Variants in MCTP1 observed in about 807,000 individuals in gnomAD.
The protein encoded by MCTP1 is multiple C2 and transmembrane domain containing 1.
MCTP1 carries 69 observed loss-of-function variants against 120.6 expected under a neutral mutation model. The ratio of observed to expected loss-of-function variants is 0.57; its 90% confidence interval spans 0.47 to 0.70. The LOEUF (loss-of-function observed/expected upper bound fraction) is 0.70. MCTP1 is among the 30% of genes least tolerant of loss of function. The pLI is 0.00. For synonymous variants in MCTP1, 529 were observed against 493.1 expected (o/e 1.07, Z -0.96); for missense variants, 1,203 against 1,248.8 (o/e 0.96, Z 0.55).
intron 19 of MCTP1, among the ~76,000 whole-genome samples, chr5:94,778,207 T>C (rs1428082754): frequency 6.6e-6 from 1 of 152,118 alleles, no homozygotes; most frequent in Non-Finnish European, 1.5e-5. Flanking sequence ...TTCACTGCTT[T>C]ACTACAATAT....
intron 2 of MCTP1, among the ~76,000 whole-genome samples, chr5:94,991,195 G>C (rs1831492028): frequency 6.6e-6 from 1 of 152,104 alleles, no homozygotes; most frequent in South Asian, 2.1e-4. Flanking sequence ...ATATAATCTT[G>C]TTCAATTTTC....
intron 19 of MCTP1, among the ~76,000 whole-genome samples, chr5:94,756,072 A>G (rs1769777310): frequency 6.6e-6 from 1 of 152,192 alleles, no homozygotes; most frequent in South Asian, 2.1e-4. Flanking sequence ...CAATAACAAT[A>G]TTATTACTCC....
chr5:94,934,884 TC>T (rs1348691019), intron 5 of MCTP1, among the ~76,000 whole-genome samples: 2 of 151,894 alleles, frequency 1.3e-5, no homozygotes, highest in Admixed American at 1.3e-4. Context: ...CACTTTTATT[TC>T]ACAAATTCTC....
At chr5:95,003,545 T>G (rs190615088) in intron 2 of MCTP1, among the ~76,000 whole-genome samples, 73 of 152,370 alleles carry the variant, frequency 4.8e-4, no homozygotes, top group Non-Finnish European at 9.4e-4. Context: ...TCTAGTTTTA[T>G]GAACATGCAA....
intron 1 of MCTP1, among the ~76,000 whole-genome samples, chr5:95,159,146 G>T (rs905086921): frequency 2.6e-5 from 4 of 152,078 alleles, no homozygotes; most frequent in Admixed American, 1.3e-4. Context: ...TTTGTAAAGG[G>T]TTGTCAACTC....
At chr5:95,113,538 A>G (rs1757604191) in intron 1 of MCTP1, among the ~76,000 whole-genome samples, 1 of 152,132 alleles carries the variant, frequency 6.6e-6, no homozygotes, top group Non-Finnish European at 1.5e-5. Context: ...TCACAGTAGA[A>G]AGCAAAACCA....
intron 1 of MCTP1, among the ~76,000 whole-genome samples, chr5:95,057,532 C>T (rs896544308): frequency 3.3e-5 from 5 of 152,132 alleles, no homozygotes; most frequent in African/African-American, 7.2e-5. Context: ...GGCATTCAGC[C>T]GAAATTCATT....
At chr5:95,040,217 C>T (rs568336180) in intron 1 of MCTP1, among the ~76,000 whole-genome samples, 52 of 152,208 alleles carry the variant, frequency 3.4e-4, no homozygotes, top group Non-Finnish European at 6.9e-4. Flanking sequence ...AGGCAGATCA[C>T]CTGAGGTCAG....
intron 1 of MCTP1, among the ~76,000 whole-genome samples, chr5:95,095,313 G>A (rs939834510): frequency 9.2e-5 from 14 of 152,058 alleles, no homozygotes; most frequent in African/African-American, 3.4e-4. Context: ...GTGAGCCACC[G>A]CGCCCGGCCT....
chr5:95,212,724 A>C (rs1357677525), intron 1 of MCTP1, among the ~76,000 whole-genome samples: 2 of 152,046 alleles, frequency 1.3e-5, no homozygotes, highest in Non-Finnish European at 2.9e-5. Flanking sequence ...CAAATCAATA[A>C]ATGTAATCCA....
intron 19 of MCTP1, among the ~76,000 whole-genome samples, chr5:94,733,835 G>A: frequency 6.6e-6 from 1 of 151,788 alleles, no homozygotes; most frequent in Non-Finnish European, 1.5e-5. Context: ...GTGGTGGCGG[G>A]CACCTGTAGT....
At chr5:95,132,998 T>C (rs1386965111) in intron 1 of MCTP1, among the ~76,000 whole-genome samples, 3 of 152,188 alleles carry the variant, frequency 2.0e-5, no homozygotes, top group Non-Finnish European at 4.4e-5. Flanking sequence ...GGTTAGGAGC[T>C]AGATTGTGAC....
At chr5:94,770,205 C>T (rs1773739165) in intron 19 of MCTP1, among the ~76,000 whole-genome samples, 1 of 152,208 alleles carries the variant, frequency 6.6e-6, no homozygotes, top group Non-Finnish European at 1.5e-5. Context: ...CTCATCTCAA[C>T]ATGCAGTGGT....
intron 2 of MCTP1, among the ~76,000 whole-genome samples, chr5:94,970,405 T>C (rs1460802099): frequency 1.3e-5 from 2 of 152,072 alleles, no homozygotes; most frequent in Non-Finnish European, 2.9e-5. Flanking sequence ...CAAATTCCCT[T>C]TCATATCTGA....
At chr5:94,793,663 C>T (rs1025935200) in intron 18 of MCTP1, 3 of 152,224 alleles carry the variant, frequency 2.0e-5, no homozygotes, top group South Asian at 2.1e-4. Flanking sequence ...TTGCATATGA[C>T]GTCCTCTCCT....
At chr5:95,194,270 G>A (rs970323743) in intron 1 of MCTP1, among the ~76,000 whole-genome samples, 2 of 151,878 alleles carry the variant, frequency 1.3e-5, no homozygotes, top group African/African-American at 4.8e-5. Context: ...GAAGAGAAGA[G>A]AAAACATCAC....
At chr5:95,148,155 T>C (rs977214125) in intron 1 of MCTP1, among the ~76,000 whole-genome samples, 1 of 152,202 alleles carries the variant, frequency 6.6e-6, no homozygotes, top group Non-Finnish European at 1.5e-5. Context: ...TTGACATTGG[T>C]GAACCTGATG....
At chr5:94,726,820 T>C (rs1214728787) in intron 19 of MCTP1, among the ~76,000 whole-genome samples, 2 of 152,188 alleles carry the variant, frequency 1.3e-5, no homozygotes, top group Non-Finnish European at 1.5e-5. Flanking sequence ...TTCAGGTCAC[T>C]GTCAAAAAGT....
At chr5:95,007,198 C>T (rs1381828182) in intron 2 of MCTP1, among the ~76,000 whole-genome samples, 1 of 152,070 alleles carries the variant, frequency 6.6e-6, no homozygotes, top group African/African-American at 2.4e-5. Context: ...TGAGGGTAAT[C>T]GCCCCCACAA....
Sources: allele counts gnomAD v4.1 joint callset (sites outside exome capture counted in the v4.1 genomes callset), GRCh38; gene constraint gnomAD v4.1.1; transcripts MANE v1.5; gene names NCBI Gene and HGNC (gene_info 2026-07-23, HGNC 2026-07-21).